The following ANKRD44 variants were observed in gnomAD, a reference collection of about 807,000 sequenced individuals.
ANKRD44 encodes the protein ankyrin repeat domain 44, also known as serine/threonine-protein phosphatase 6 regulatory ankyrin repeat subunit B.
In ANKRD44, 35 loss-of-function variants were observed where a neutral mutation model predicts 116.0. The observed-to-expected ratio is 0.30, with a 90% CI of 0.23 to 0.40. ANKRD44 has a LOEUF of 0.40. ANKRD44 is among the 10% of genes least tolerant of loss of function. The pLI is 1.00. For missense variants in ANKRD44, 1,014 were observed against 1,242.6 expected (o/e 0.82, Z 2.77); for synonymous variants, 435 against 461.8 (o/e 0.94, Z 0.74).
At chr2:197,228,471 T>C (rs73988413) in intron 1 of ANKRD44, among the ~76,000 whole-genome samples, 2,162 of 152,292 alleles carry the variant, frequency 0.014, 48 homozygotes, top group African/African-American at 0.048. Flanking sequence ...TTTGACCTGG[T>C]CCAATTCTTT....
At chr2:197,145,688 C>T (rs184193696) in intron 3 of ANKRD44, among the ~76,000 whole-genome samples, 15 of 152,266 alleles carry the variant, frequency 9.9e-5, no homozygotes, top group Admixed American at 3.9e-4. Flanking sequence ...AGAACATGAA[C>T]ACAACAAAAT....
chr2:197,044,315 C>T (rs560997738), intron 16 of ANKRD44, among the ~76,000 whole-genome samples: 1 of 152,250 alleles, frequency 6.6e-6, no homozygotes, highest in Admixed American at 6.5e-5. Context: ...AAAGTATAAC[C>T]ATAATGTATG....
intron 1 of ANKRD44, among the ~76,000 whole-genome samples, chr2:197,271,104 TG>T (rs1017334008): frequency 6.6e-6 from 1 of 152,188 alleles, no homozygotes; most frequent in African/African-American, 2.4e-5. Context: ...CAAGGAGTCT[TG>T]CATTTTCATG....
At chr2:197,009,848 G>GT (rs1293773971) in intron 18 of ANKRD44, among the ~76,000 whole-genome samples, 11 of 152,082 alleles carry the variant, frequency 7.2e-5, no homozygotes, top group Admixed American at 1.3e-4. Context: ...TGTGTTGAGG[G>GT]TTTTTTCTTA....
intron 16 of ANKRD44, among the ~76,000 whole-genome samples, chr2:197,030,414 G>A (rs756348669): frequency 1.2e-4 from 18 of 152,206 alleles, no homozygotes; most frequent in Non-Finnish European, 2.4e-4. Context: ...AGTGAGGATA[G>A]AGAAGCAAGA....
chr2:197,178,104 A>C (rs1481657531), intron 2 of ANKRD44, among the ~76,000 whole-genome samples: 2 of 152,124 alleles, frequency 1.3e-5, no homozygotes, highest in Non-Finnish European at 2.9e-5. Context: ...GGGTAGTACA[A>C]ATTACTCTCC....
rs1018552742 is a variant in ANKRD44, at chr2:196,991,885, C to A, written c.2923+1698G>T. On this transcript the variant is annotated intron_variant, in intron 27 of 27. Coordinates refer to ENST00000282272, the MANE Select transcript of ANKRD44 (RefSeq NM_001195144.2). ...GGGATTAAAGGCGTGAGCCATCACA[C>A]CTGGCCTAACAGAATATTTAAAAAT... 2.0e-5 allele frequency among the ~76,000 whole-genome samples: 3 copies of A among 152,148 alleles called. No individual in the cohort carries two copies. The South Asian group carries it at 6.2e-4, about 31-fold the overall frequency.
intron 1 of ANKRD44, among the ~76,000 whole-genome samples, chr2:197,289,352 C>T (rs2083496257): frequency 6.6e-6 from 1 of 152,120 alleles, no homozygotes; most frequent in African/African-American, 2.4e-5. Context: ...CTTTGAAAAA[C>T]AGTTTGTCAG....
At chr2:196,971,468 T>C (rs2075715466) in intron 21 of ANKRD44, among the ~76,000 whole-genome samples, 1 of 152,174 alleles carries the variant, frequency 6.6e-6, no homozygotes, top group Admixed American at 6.5e-5. Context: ...GTGATTCTCG[T>C]GCCTTAGTCT....
chr2:197,003,303 A>G (rs1260731006), intron 21 of ANKRD44, among the ~76,000 whole-genome samples: 1 of 151,054 alleles, frequency 6.6e-6, no homozygotes, highest in African/African-American at 2.4e-5. Context: ...GACTCCATAC[A>G]CCCCTAGAAA....
chr2:197,199,038 G>T (rs1330633807), intron 1 of ANKRD44: 2 of 152,182 alleles, frequency 1.3e-5, no homozygotes, highest in African/African-American at 2.4e-5. Context: ...GGCTTGCCGA[G>T]CCTGGTTAGC....
intron 15 of ANKRD44, 126 bp from the exon 16 acceptor site, chr2:197,078,940 T>C: frequency 2.2e-6 from 2 of 892,046 alleles, no homozygotes; most frequent in Non-Finnish European, 3.2e-6. Context: ...TTAAAAATCC[T>C]ACAGCAATGA....
At chr2:197,180,383 A>G (rs1202200076) in intron 2 of ANKRD44, among the ~76,000 whole-genome samples, 1 of 152,238 alleles carries the variant, frequency 6.6e-6, no homozygotes, top group Non-Finnish European at 1.5e-5. Context: ...AGCCTGGGCC[A>G]CACTGCACCT....
intron 1 of ANKRD44, among the ~76,000 whole-genome samples, chr2:197,275,902 T>A (rs2083068464): frequency 6.6e-6 from 1 of 152,202 alleles, no homozygotes; most frequent in South Asian, 2.1e-4. Flanking sequence ...TCATAAAATA[T>A]TGTTTAGTTT....
At chr2:197,125,290 G>T in intron 6 of ANKRD44, 91 bp downstream of exon 6, 2 of 1,218,728 alleles carry the variant, frequency 1.6e-6, no homozygotes, top group Non-Finnish European at 2.4e-6. Flanking sequence ...AAAGAAGTCA[G>T]ACTGGAGAAA....
At chr2:197,195,262 T>C (rs6758791) in intron 1 of ANKRD44, among the ~76,000 whole-genome samples, 34,503 of 152,062 alleles carry the variant, frequency 0.23, 4,104 homozygotes, top group Middle Eastern at 0.27. Flanking sequence ...ATTACAGTCA[T>C]GAGCACTGTA....
intron 1 of ANKRD44, among the ~76,000 whole-genome samples, chr2:197,195,605 T>C (rs1467670668): frequency 6.6e-6 from 1 of 152,210 alleles, no homozygotes; most frequent in Non-Finnish European, 1.5e-5. Context: ...CTTCACTCTT[T>C]ATATATAGCC....
intron 16 of ANKRD44, among the ~76,000 whole-genome samples, chr2:197,041,774 C>G (rs1303671480): frequency 1.7e-4 from 26 of 152,114 alleles, no homozygotes; most frequent in Admixed American, 1.7e-3. Context: ...ACCCCTCTCT[C>G]CTTCTCCATC....
At chr2:197,282,263 A>G (rs1022893420) in intron 1 of ANKRD44, among the ~76,000 whole-genome samples, 3 of 152,004 alleles carry the variant, frequency 2.0e-5, no homozygotes, top group African/African-American at 7.2e-5. Flanking sequence ...AAAAAAATAT[A>G]TATATATAGT....
Sources: allele counts gnomAD v4.1 joint callset (sites outside exome capture counted in the v4.1 genomes callset), GRCh38; gene constraint gnomAD v4.1.1; transcripts MANE v1.5; gene names NCBI Gene and HGNC (gene_info 2026-07-23, HGNC 2026-07-21).